UGGT2: variants seen among roughly 807,000 people sequenced by gnomAD.
The protein encoded by UGGT2 is UDP-glucose:glycoprotein glucosyltransferase 2.
In UGGT2, 180 loss-of-function variants were observed where a neutral mutation model predicts 192.1. The ratio of observed to expected loss-of-function variants is 0.94; its 90% CI spans 0.83 to 1.06. The LOEUF is 1.06. Among genes scored for constraint, UGGT2 ranks in the 50% least tolerant of loss-of-function variants. UGGT2 has a pLI of 0.00. For missense variants in UGGT2, 1,849 were observed against 1,795.7 expected (o/e 1.03, Z -0.54); for synonymous variants, 580 against 591.0 (o/e 0.98, Z 0.27).
At chr13:96,052,836 C>T (rs898615366) in intron 1 of UGGT2, among the ~76,000 whole-genome samples, 2 of 152,210 alleles carry the variant, frequency 1.3e-5, no homozygotes, top group African/African-American at 4.8e-5. Flanking sequence ...ACAGAACTGC[C>T]TACCCCAGTA....
chr13:95,857,542 A>G (rs1384937104), intron 33 of UGGT2, among the ~76,000 whole-genome samples: 1 of 152,158 alleles, frequency 6.6e-6, no homozygotes. Context: ...GAATGAAGAG[A>G]GGAGGTTTGA....
At chr13:96,003,051 T>G (rs990097434) in intron 5 of UGGT2, among the ~76,000 whole-genome samples, 7 of 152,098 alleles carry the variant, frequency 4.6e-5, no homozygotes, top group African/African-American at 1.7e-4. Context: ...CACGTGAGAC[T>G]CCATCCATCC....
intron 38 of UGGT2, among the ~76,000 whole-genome samples, chr13:95,823,060 GAGC>G (rs1448097935): frequency 6.6e-6 from 1 of 152,016 alleles, no homozygotes; most frequent in African/African-American, 2.4e-5. Context: ...AATCATTCAG[GAGC>G]AGATTATTTA....
intron 15 of UGGT2, among the ~76,000 whole-genome samples, chr13:95,940,455 CTTTT>C (rs1231173934): frequency 1.6e-5 from 2 of 125,350 alleles, no homozygotes; most frequent in African/African-American, 5.9e-5. Flanking sequence ...TTTTCTTTTT[CTTTT>C]TTTTTTTTTT....
intron 1 of UGGT2, among the ~76,000 whole-genome samples, chr13:96,045,403 G>C (rs1055516372): frequency 6.6e-6 from 1 of 152,100 alleles, no homozygotes; most frequent in African/African-American, 2.4e-5. Context: ...AAAGTTTAAA[G>C]CATTCCCTCT....
chr13:95,805,817 C>A (rs1169194076), intron 38 of UGGT2, among the ~76,000 whole-genome samples: 1 of 151,760 alleles, frequency 6.6e-6, no homozygotes, highest in Non-Finnish European at 1.5e-5. Context: ...TTCAGATTTG[C>A]AACATGAAAA....
chr13:95,905,459 C>G (rs867235171), intron 20 of UGGT2, among the ~76,000 whole-genome samples: 35 of 151,632 alleles, frequency 2.3e-4, no homozygotes, highest in Middle Eastern at 3.4e-3. Context: ...AATCCATCTT[C>G]AATTGATTTT....
At chr13:95,854,274 A>G in intron 35 of UGGT2, 41 bp downstream of exon 35, 2 of 1,571,082 alleles carry the variant, frequency 1.3e-6, no homozygotes, top group Non-Finnish European at 1.7e-6. Flanking sequence ...AATTCAATAC[A>G]TTACTTATTT....
chr13:95,895,363 A>G, intron 22 of UGGT2, 59 bp from the exon 23 acceptor site: 2 of 1,052,084 alleles, frequency 1.9e-6, no homozygotes, highest in Non-Finnish European at 1.3e-6. Flanking sequence ...GTTTAGGAAA[A>G]ACATTTCCTC....
At chr13:95,829,880 C>T (rs139146335) in intron 38 of UGGT2, among the ~76,000 whole-genome samples, 4,372 of 152,218 alleles carry the variant, frequency 0.029, 212 homozygotes, top group African/African-American at 0.1. Flanking sequence ...CTTTAAACTA[C>T]ACTACAAGGC....
At chr13:95,805,282 A>C (rs1028425429) in intron 38 of UGGT2, among the ~76,000 whole-genome samples, 13 of 151,720 alleles carry the variant, frequency 8.6e-5, no homozygotes, top group South Asian at 2.1e-4. Flanking sequence ...AAAAAAAAAA[A>C]CCCAGAAAAT....
intron 20 of UGGT2, among the ~76,000 whole-genome samples, chr13:95,912,233 C>A (rs979827948): frequency 6.6e-6 from 1 of 152,140 alleles, no homozygotes; most frequent in African/African-American, 2.4e-5. Flanking sequence ...GAAGTTCTGG[C>A]CAGGGCAGTC....
intron 17 of UGGT2, among the ~76,000 whole-genome samples, chr13:95,935,012 T>C (rs776415991): frequency 5.3e-5 from 8 of 152,244 alleles, no homozygotes; most frequent in Non-Finnish European, 1.0e-4. Context: ...TTATCTATTG[T>C]TGGTTTCAAG....
chr13:95,914,286 T>A (rs1326356840), intron 20 of UGGT2, among the ~76,000 whole-genome samples: 2 of 149,664 alleles, frequency 1.3e-5, no homozygotes, highest in Non-Finnish European at 1.5e-5. Flanking sequence ...ATATTCAAAG[T>A]GTTAAAATAT....
chr13:95,948,218 T>TACACACACACAC (rs149949392), intron 13 of UGGT2, 137 bp from the exon 14 acceptor site: 123 of 317,702 alleles, frequency 3.9e-4, no homozygotes, highest in Admixed American at 7.9e-4. Context: ...TTCTAAGGAA[T>TACACACACACAC]ACACACACAC....
chr13:95,983,442 A>G, intron 10 of UGGT2: 2 of 335,458 alleles, frequency 6.0e-6, no homozygotes, highest in South Asian at 5.2e-5. Flanking sequence ...TCTATCTGCT[A>G]TAGGATTCTA....
intron 34 of UGGT2, among the ~76,000 whole-genome samples, chr13:95,855,147 C>T (rs539374693): frequency 1.5e-5 from 2 of 134,856 alleles, no homozygotes; most frequent in African/African-American, 2.8e-5. Flanking sequence ...ATTAGCCAGG[C>T]GTGGTGGTGT....
At chr13:95,832,110 A>T (rs1886770340) in intron 38 of UGGT2, among the ~76,000 whole-genome samples, 1 of 151,848 alleles carries the variant, frequency 6.6e-6, no homozygotes, top group South Asian at 2.1e-4. Flanking sequence ...TTTATACATA[A>T]TCATTTCGGC....
At position 95,822,822 on chromosome 13, in the gene UGGT2, T is replaced by C. The variant is rs185274101; in HGVS notation, c.4528+10105A>G. Among the ~76,000 whole-genome samples, 8 of 152,212 alleles carry C rather than the reference T, an allele frequency of 5.3e-5. No homozygotes were observed. The East Asian group carries it at 1.5e-3, about 29-fold the overall frequency. ...TTTAGTTCTGCTCTGATCTTTGTGA[T>C]TTCTTTTCTTTCAATGGCTTTGGGT... On this transcript the variant is annotated intron_variant, in intron 38 of 38. Transcript: ENST00000376747.
Sources: allele counts gnomAD v4.1 joint callset (sites outside exome capture counted in the v4.1 genomes callset), GRCh38; gene constraint gnomAD v4.1.1; transcripts MANE v1.5; gene names NCBI Gene and HGNC (gene_info 2026-07-23, HGNC 2026-07-21).